Variants in RGS6 observed in about 807,000 individuals in gnomAD.
RGS6 encodes the protein regulator of G protein signaling 6, also known as regulator of G-protein signaling 6.
RGS6 carries 30 observed loss-of-function variants against 78.5 expected under a neutral mutation model. That is an observed-to-expected ratio of 0.38 (90% CI 0.29 to 0.52). The LOEUF (loss-of-function observed/expected upper bound fraction) is 0.52, where lower values mean the gene tolerates loss of function less well. RGS6 is among the 20% of genes least tolerant of loss of function. The pLI is 0.85. For synonymous variants in RGS6, 206 were observed against 206.0 expected, an observed-to-expected ratio of 1.00 and a Z score of 0.00; for missense variants, 495 against 609.7, an observed-to-expected ratio of 0.81 and a Z score of 1.98.
At chr14:72,601,046 G>GGGGGAAGAGGAGGAGAAT in the RGS6 span, among the ~76,000 whole-genome samples, 2 of 150,544 alleles carry the variant, frequency 1.3e-5, no homozygotes, top group African/African-American at 4.9e-5. Context: ...AGGAGGAGAA[G>GGGGGAAGAGGAGGAGAAT]GGGGAAGAGG....
At chr14:72,121,839 T>C (rs1456500245) in intron 2 of RGS6, among the ~76,000 whole-genome samples, 2 of 152,182 alleles carry the variant, frequency 1.3e-5, no homozygotes, top group Non-Finnish European at 2.9e-5. Context: ...GTGTTCCCAG[T>C]GTCTGCAACG....
At chr14:72,388,669 T>C (rs1007488129) in intron 3 of RGS6, among the ~76,000 whole-genome samples, 4 of 152,130 alleles carry the variant, frequency 2.6e-5, no homozygotes, top group Non-Finnish European at 5.9e-5. Flanking sequence ...ACATGTGTTA[T>C]TGCTGCACCC....
chr14:72,181,069 G>A (rs534692760), intron 2 of RGS6, among the ~76,000 whole-genome samples: 1 of 152,320 alleles, frequency 6.6e-6, no homozygotes, highest in Non-Finnish European at 1.5e-5. Flanking sequence ...GGCAGCAGCT[G>A]GGAATGGGAA....
At chr14:72,201,018 C>CGTA in intron 2 of RGS6, among the ~76,000 whole-genome samples, 1 of 149,654 alleles carries the variant, frequency 6.7e-6, no homozygotes, top group East Asian at 2.0e-4. Flanking sequence ...TTGTGTTGGG[C>CGTA]GTAACCACAG....
At chr14:72,209,429 T>C (rs1251590121) in intron 2 of RGS6, among the ~76,000 whole-genome samples, 6 of 152,178 alleles carry the variant, frequency 3.9e-5, no homozygotes, top group African/African-American at 1.2e-4. Context: ...CTTCTTAGCA[T>C]TGAAGTGAGC....
intron 1 of RGS6, among the ~76,000 whole-genome samples, chr14:71,954,432 A>C (rs185642423): frequency 6.6e-6 from 1 of 151,950 alleles, no homozygotes; most frequent in Non-Finnish European, 1.5e-5. Context: ...AGTCTTAAAA[A>C]ATTTCTTAAA....
chr14:72,386,700 T>C (rs1566695241), intron 3 of RGS6, among the ~76,000 whole-genome samples: 1 of 152,200 alleles, frequency 6.6e-6, no homozygotes, highest in Non-Finnish European at 1.5e-5. Context: ...TATCCCGTGC[T>C]CCACTGCACC....
At chr14:72,104,202 C>T (rs187108529) in intron 2 of RGS6, among the ~76,000 whole-genome samples, 38 of 152,180 alleles carry the variant, frequency 2.5e-4, no homozygotes, top group Admixed American at 2.3e-3. Flanking sequence ...TTGCTCTCTC[C>T]CCCTCTAGGT....
At chr14:71,925,352 T>C in the RGS6 span, among the ~76,000 whole-genome samples, 1 of 152,208 alleles carries the variant, frequency 6.6e-6, no homozygotes, top group Non-Finnish European at 1.5e-5. Flanking sequence ...TCCCATTCCG[T>C]AGGTTGCCTC....
chr14:71,872,140 G>A, the RGS6 span, among the ~76,000 whole-genome samples: 106 of 152,182 alleles, frequency 7.0e-4, no homozygotes, highest in African/African-American at 2.5e-3. Context: ...AACTACAAGT[G>A]AACACAATAC....
In RGS6 at chr14:72,161,117, C is replaced by G. The variant is rs187973473; in HGVS notation, c.85-190978C>G. 6.6e-5 allele frequency among the ~76,000 whole-genome samples: 10 copies of G among 152,302 alleles called. No individual in the cohort carries two copies. The East Asian group carries it at 1.7e-3, about 26-fold the overall frequency. On this transcript the variant is annotated intron_variant, in intron 2 of 17. Coordinates refer to ENST00000553525, the MANE Select transcript of RGS6 (RefSeq NM_001204424.2). ...AGACTTGGATGAAGCTGGAAACCATCATTCTCAGCAAACTAACGCGAGAAC... is the reference window on the plus strand; with the variant it reads ...AGACTTGGATGAAGCTGGAAACCATGATTCTCAGCAAACTAACGCGAGAAC...
chr14:72,324,293 T>C (rs1308028667), intron 2 of RGS6, among the ~76,000 whole-genome samples: 1 of 152,046 alleles, frequency 6.6e-6, no homozygotes. Context: ...AGAAAAAAAT[T>C]AACAAGCACA....
chr14:72,531,611 G>A (rs1329395698), intron 15 of RGS6, among the ~76,000 whole-genome samples: 1 of 151,986 alleles, frequency 6.6e-6, no homozygotes, highest in Admixed American at 6.6e-5. Flanking sequence ...AACCAAGAGG[G>A]CCTCACATGT....
intron 2 of RGS6, among the ~76,000 whole-genome samples, chr14:72,335,534 G>C (rs997619819): frequency 3.9e-5 from 6 of 152,194 alleles, no homozygotes; most frequent in African/African-American, 1.4e-4. Context: ...GGCCGTGACA[G>C]CCTGTCTCTA....
At chr14:72,218,771 C>G (rs1170113709) in intron 2 of RGS6, among the ~76,000 whole-genome samples, 5 of 151,994 alleles carry the variant, frequency 3.3e-5, no homozygotes, top group Non-Finnish European at 7.4e-5. Context: ...ACCACCATGC[C>G]CAGCTAATTT....
At chr14:71,961,021 A>G (rs759679368) in intron 1 of RGS6, among the ~76,000 whole-genome samples, 3 of 152,202 alleles carry the variant, frequency 2.0e-5, no homozygotes, top group African/African-American at 4.8e-5. Flanking sequence ...GAACCTTACA[A>G]AAGTAGATGC....
At chr14:72,290,239 AC>A (rs1305824356) in intron 2 of RGS6, among the ~76,000 whole-genome samples, 5 of 152,112 alleles carry the variant, frequency 3.3e-5, no homozygotes, top group African/African-American at 1.2e-4. Context: ...TGCTGCATAA[AC>A]CCTATTCAGT....
chr14:72,361,647 T>C (rs943674959), intron 3 of RGS6, among the ~76,000 whole-genome samples: 1 of 152,178 alleles, frequency 6.6e-6, no homozygotes, highest in African/African-American at 2.4e-5. Context: ...TGAGAGGCCA[T>C]GATACTGGAA....
chr14:72,563,254 A>AAATT lies in RGS6; in HGVS notation c.*789_*792dup, dbSNP rs1217447263. On this transcript the variant is annotated 3_prime_UTR_variant, in exon 18 of 18. Coordinates refer to ENST00000553525, the MANE Select transcript of RGS6 (RefSeq NM_001204424.2). The stretch of plus-strand genomic sequence containing the variant: ...GGGATTCTGCTGACCATCTTTTAGA[A>AAATT]AATTATTTCATAATTTATTCTGGCT... 2.5e-5 allele frequency: 4 copies of AAATT among 159,842 alleles called. No individual in the cohort carries two copies. The highest frequency in any genetic ancestry group is 9.6e-5 in the African/African-American group (4 of 41,700). 9.9% of individuals were successfully genotyped at this position (159,842 alleles called of 1,614,324 possible). A position where few individuals can be genotyped will look rare whatever the true frequency, so the allele number is the denominator to read the frequency against.
Sources: allele counts gnomAD v4.1 joint callset (sites outside exome capture counted in the v4.1 genomes callset), GRCh38; gene constraint gnomAD v4.1.1; transcripts MANE v1.5; gene names NCBI Gene and HGNC (gene_info 2026-07-23, HGNC 2026-07-21).